ANKRD26: variants seen among roughly 807,000 people sequenced by gnomAD.
ANKRD26 encodes the protein ankyrin repeat domain 26.
ANKRD26 carries 141 observed loss-of-function variants against 208.7 expected under a neutral mutation model. The observed-to-expected ratio is 0.68, with a 90% CI of 0.59 to 0.78. The LOEUF is 0.78. Ranked by LOEUF, ANKRD26 falls within the 30% of genes least tolerant of loss-of-function variation. ANKRD26 has a pLI of 0.00. For missense variants in ANKRD26, 1,889 were observed against 1,938.7 expected, an observed-to-expected ratio of 0.97 and a Z score of 0.48; for synonymous variants, 636 against 660.4, an observed-to-expected ratio of 0.96 and a Z score of 0.57.
the ANKRD26 span, among the ~76,000 whole-genome samples, chr10:26,959,234 C>T: frequency 3.3e-5 from 5 of 150,214 alleles, no homozygotes; most frequent in South Asian, 6.3e-4. Flanking sequence ...GCCGAGGTCA[C>T]GCCACTGCTC....
downstream of ANKRD26, among the ~76,000 whole-genome samples, chr10:27,001,752 T>C (rs2052730654): frequency 6.6e-6 from 1 of 152,206 alleles, no homozygotes; most frequent in Non-Finnish European, 1.5e-5. Context: ...AGCCCTTTTC[T>C]ATTGGCACAA....
intron 4 of ANKRD26, chr10:26,995,256 T>C: frequency 2.2e-6 from 1 of 457,488 alleles, no homozygotes; most frequent in South Asian, 1.6e-5. Context: ...TGAGTTATGA[T>C]GAGAGTTTAG....
rs541599580 is a variant in ANKRD26 at position 27,054,698 on chromosome 10, T to C, written c.1565-1308A>G. Among the ~76,000 whole-genome samples the C allele has an allele frequency of 4.6e-5, 7 of 152,274 alleles. No individual in the cohort carries two copies. The South Asian group carries it at 1.5e-3, about 32-fold the overall frequency. On this transcript the variant is annotated intron_variant, in intron 15 of 33. Coordinates refer to ENST00000376087, the MANE Select transcript of ANKRD26 (RefSeq NM_014915.3). Reference sequence around the variant, plus strand: ...TAAAGGGCAGGAAAGGGTAACAGCATGCAAGGCAGCAACAAGAGAGGGAAA... The same window carrying C: ...TAAAGGGCAGGAAAGGGTAACAGCACGCAAGGCAGCAACAAGAGAGGGAAA...
chr10:26,977,852 T>C (rs2134610049), intron 5 of ANKRD26, among the ~76,000 whole-genome samples: 1 of 152,318 alleles, frequency 6.6e-6, no homozygotes, highest in South Asian at 2.1e-4. Flanking sequence ...CCTGCCCTAC[T>C]TCTGAACGCC....
chr10:27,067,060 G>C, intron 10 of ANKRD26, 97 bp downstream of exon 10: 2 of 1,414,480 alleles, frequency 1.4e-6, no homozygotes, highest in South Asian at 2.3e-5. Flanking sequence ...ACCTGCCTCA[G>C]CCTCCCAAAG....
At chr10:27,032,623 G>A (rs561473332) in intron 25 of ANKRD26, among the ~76,000 whole-genome samples, 3 of 149,528 alleles carry the variant, frequency 2.0e-5, no homozygotes, top group Admixed American at 6.7e-5. Flanking sequence ...GCTACAGAGC[G>A]AGACTCTGTC....
chr10:27,080,536 C>T (rs1190813011), intron 6 of ANKRD26: 2 of 731,666 alleles, frequency 2.7e-6, no homozygotes, highest in African/African-American at 1.9e-5. Context: ...AAAATCTTTA[C>T]AGGCACTCAG....
rs2056402436 is a variant in ANKRD26, at chr10:27,094,467, C to G, written c.243-668G>C. 1.3e-5 allele frequency among the ~76,000 whole-genome samples: 2 copies of G among 152,188 alleles called. 1 individual carries two copies. The highest frequency in any genetic ancestry group is 4.1e-4 in the South Asian group (2 of 4,826). ...ATCCTACTTTAAGCTGTCACTTACT[C>G]ATTATGGCTTAGTAAGTGCCTCAGT... On this transcript the variant is annotated intron_variant, in intron 1 of 33. Coordinates refer to ENST00000376087, the MANE Select transcript of ANKRD26 (RefSeq NM_014915.3).
chr10:27,040,233 A>T (rs2054187291), intron 20 of ANKRD26, 55 bp from the exon 21 acceptor site: 1 of 1,263,282 alleles, frequency 7.9e-7, no homozygotes. Context: ...CATATAACAC[A>T]CTGTGCACTA....
At chr10:27,079,068 G>C (rs2055807011) in intron 7 of ANKRD26, 21 bp downstream of exon 7, 1 of 1,596,564 alleles carries the variant, frequency 6.3e-7, no homozygotes, top group East Asian at 2.2e-5. Context: ...AGAAAATTAA[G>C]TTCATGAGAG....
chr10:26,976,924 C>T lies in ANKRD26; in HGVS notation c.*282-882G>A, dbSNP rs576996972. Among the ~76,000 whole-genome samples the T allele has an allele frequency of 3.9e-5, 6 of 152,272 alleles. 1 individual carries two copies. The South Asian group carries it at 6.2e-4, about 16-fold the overall frequency. On this transcript the variant is annotated intron_variant and NMD_transcript_variant, in intron 5 of 5. Coordinates refer to the ANKRD26 transcript ENST00000674670. ...GAAATCCACTATTTTCAGAGGACTA[C>T]GAACACACCTGCCCATCACAGCATC... is the stretch of plus-strand genomic sequence containing the variant.
the ANKRD26 span, among the ~76,000 whole-genome samples, chr10:26,966,653 G>A: frequency 6.6e-6 from 1 of 152,196 alleles, no homozygotes; most frequent in Non-Finnish European, 1.5e-5. Context: ...CATGCCTCAT[G>A]TCTTGGTTAC....
intron 3 of ANKRD26, among the ~76,000 whole-genome samples, chr10:26,985,918 G>GA (rs34465845): frequency 6.6e-6 from 1 of 152,042 alleles, no homozygotes; most frequent in South Asian, 2.1e-4. Flanking sequence ...CACAGAATTG[G>GA]AAAAAACTAC....
At chr10:27,020,821 G>T (rs947386570) in intron 29 of ANKRD26, among the ~76,000 whole-genome samples, 1 of 152,098 alleles carries the variant, frequency 6.6e-6, no homozygotes, top group Admixed American at 6.5e-5. Context: ...GCTATGTCCA[G>T]CTAATTTTTT....
intron 15 of ANKRD26, among the ~76,000 whole-genome samples, chr10:27,058,506 G>T (rs2054922091): frequency 6.6e-6 from 1 of 151,844 alleles, no homozygotes. Context: ...CATATCAACA[G>T]CTACAAACCA....
chr10:27,010,141 ATTCT>A (rs2053043640), intron 32 of ANKRD26, among the ~76,000 whole-genome samples: 1 of 152,150 alleles, frequency 6.6e-6, no homozygotes, highest in African/African-American at 2.4e-5. Context: ...TAAAAGTTCT[ATTCT>A]TTCAAAAAAA....
chr10:27,017,908 C>T (rs2053353530), intron 29 of ANKRD26, 116 bp from the exon 30 acceptor site: 6 of 988,008 alleles, frequency 6.1e-6, no homozygotes, highest in African/African-American at 1.6e-5. Flanking sequence ...GTCACCTGAA[C>T]CATAAAAGAT....
Position 27,035,003 on chromosome 10 carries a change from T to C in ANKRD26, c.3447A>G (p.Gln1149=), listed in dbSNP as rs1426031873. The C allele has an allele frequency of 4.3e-6, 7 of 1,614,108 alleles. No homozygotes were observed. The highest frequency in any genetic ancestry group is 2.2e-5 in the East Asian group (1 of 44,868). ...LQSENMLLRQ[Q]LDDAHNKADN... is the part of the protein sequence containing the mutation. The stretch of plus-strand genomic sequence containing the variant: ...CAGCCTTGTTGTGGGCATCATCCAG[T>C]TGTTGTCGAAGCAACATATTCTCAC... Residue 1149 remains glutamine (Q), a synonymous_variant, in exon 24 of 34, where the codon CAA becomes CAG. Transcript: ENST00000376087.
At chr10:27,092,603 CAT>C in intron 3 of ANKRD26, 91 bp from the exon 4 acceptor site, 6 of 946,686 alleles carry the variant, frequency 6.3e-6, no homozygotes, top group African/African-American at 1.6e-5. Context: ...TGAACTGAAA[CAT>C]ATAAAATAGA....
Sources: allele counts gnomAD v4.1 joint callset (sites outside exome capture counted in the v4.1 genomes callset), GRCh38; gene constraint gnomAD v4.1.1; transcripts MANE v1.5; gene names NCBI Gene and HGNC (gene_info 2026-07-23, HGNC 2026-07-21).